The following PLCL2 variants were observed in gnomAD, a reference collection of about 807,000 sequenced individuals.
The protein encoded by PLCL2 is phospholipase C like 2, also known as inactive phospholipase C-like protein 2.
In PLCL2, 4 loss-of-function variants were observed where a neutral mutation model predicts 79.6. The ratio of observed to expected loss-of-function variants is 0.05; its 90% CI spans 0.02 to 0.11. The LOEUF is 0.11. Ranked by LOEUF, PLCL2 falls within the 10% of genes least tolerant of loss-of-function variation. The pLI, the probability that PLCL2 is intolerant of heterozygous loss-of-function variation, is 1.00. For missense variants in PLCL2, 895 were observed against 1,291.0 expected (o/e 0.69, Z 4.70); for synonymous variants, 484 against 457.7 (o/e 1.06, Z -0.73).
Position 16,885,346 on chromosome 3 carries a change from C to A in PLCL2, c.307C>A (p.Arg103Ser). 1 of 651,664 alleles carries A rather than the reference C, an allele frequency of 1.5e-6. No homozygotes were observed. The highest frequency in any genetic ancestry group is 2.8e-6 in the Non-Finnish European group (1 of 361,138). The allele number at this position is 651,664 out of a possible 1,614,324, so 40.4% of individuals were successfully genotyped here. ...GGAGAGCAAGCCGGGCGGCCTGCCC[C>A]GCCGGAGCAGCATCATCAAGGTAGG... ...PRESKPGGLP[R>S]RSSIIKDGTK... The change falls in exon 1 of 6, where the codon CGC (arginine) becomes AGC (serine). Residue 103 changes from arginine (R) to serine (S), a missense_variant. Arg to Ser is a moderately radical substitution (Grantham distance 110). Around this residue, in one of 6 missense-constraint regions of PLCL2, gnomAD observed 110 missense variants for 42.9 expected, o/e 2.56. Transcript: ENST00000615277.
intron 1 of PLCL2, among the ~76,000 whole-genome samples, chr3:16,899,691 A>G (rs938273785): frequency 2.0e-5 from 3 of 152,160 alleles, no homozygotes; most frequent in Non-Finnish European, 4.4e-5. Context: ...CATGGTAAGT[A>G]AAACCTGTAT....
intron 4 of PLCL2, among the ~76,000 whole-genome samples, chr3:17,060,849 A>G (rs547139096): frequency 6.6e-6 from 1 of 152,184 alleles, no homozygotes; most frequent in Non-Finnish European, 1.5e-5. Flanking sequence ...GAAATAAATT[A>G]AAAATATAAA....
chr3:17,015,030 C>A, intron 3 of PLCL2, 119 bp downstream of exon 3: 1 of 749,126 alleles, frequency 1.3e-6, no homozygotes, highest in Non-Finnish European at 2.3e-6. Flanking sequence ...CTTCATTCAC[C>A]TATGCTGGAG....
chr3:16,915,397 A>G (rs1696970075), intron 1 of PLCL2, among the ~76,000 whole-genome samples: 1 of 152,220 alleles, frequency 6.6e-6, no homozygotes, highest in Admixed American at 6.5e-5. Context: ...TAGCCAAACC[A>G]TGAAATAGAA....
chr3:16,943,989 A>C (rs1320965280), intron 1 of PLCL2, among the ~76,000 whole-genome samples: 1 of 152,120 alleles, frequency 6.6e-6, no homozygotes, highest in Non-Finnish European at 1.5e-5. Flanking sequence ...CATGCCTTCA[A>C]CTCATAGCTT....
At chr3:17,065,974 G>A (rs925031405) in intron 4 of PLCL2, among the ~76,000 whole-genome samples, 2 of 152,114 alleles carry the variant, frequency 1.3e-5, no homozygotes, top group South Asian at 4.1e-4. Context: ...AATTATTCCT[G>A]TTTGGAAATC....
intron 3 of PLCL2, among the ~76,000 whole-genome samples, chr3:17,039,456 A>G (rs2064695989): frequency 6.6e-6 from 1 of 152,254 alleles, no homozygotes; most frequent in African/African-American, 2.4e-5. Flanking sequence ...AATTTATGCA[A>G]TAGTGCAAAA....
chr3:16,981,018 C>T (rs555861453), intron 1 of PLCL2, among the ~76,000 whole-genome samples: 8 of 152,342 alleles, frequency 5.3e-5, no homozygotes, highest in East Asian at 3.9e-4. Context: ...CGCCTGCAAT[C>T]GCAGGCACTC....
intron 4 of PLCL2, among the ~76,000 whole-genome samples, chr3:17,053,253 A>G (rs1174038885): frequency 6.6e-6 from 1 of 151,874 alleles, no homozygotes; most frequent in African/African-American, 2.4e-5. Context: ...GAAACTTACA[A>G]TCATGGCAGA....
chr3:16,962,048 C>T (rs1386591900), intron 1 of PLCL2, among the ~76,000 whole-genome samples: 1 of 152,110 alleles, frequency 6.6e-6, no homozygotes, highest in Non-Finnish European at 1.5e-5. Context: ...GATCCAATAT[C>T]CACAGGGATT....
intron 5 of PLCL2, among the ~76,000 whole-genome samples, chr3:17,083,586 A>G (rs984330191): frequency 2.6e-5 from 4 of 152,242 alleles, no homozygotes; most frequent in African/African-American, 9.6e-5. Flanking sequence ...CACGTTGAAC[A>G]TGGAGAAAGA....
At chr3:17,020,565 A>G (rs971939911) in intron 3 of PLCL2, among the ~76,000 whole-genome samples, 4 of 151,828 alleles carry the variant, frequency 2.6e-5, no homozygotes, top group Admixed American at 1.3e-4. Context: ...TTTTTTTGCA[A>G]CTTCACAAAA....
chr3:16,894,473 A>G (rs1696423833), intron 1 of PLCL2, among the ~76,000 whole-genome samples: 1 of 152,226 alleles, frequency 6.6e-6, no homozygotes, highest in Admixed American at 6.5e-5. Context: ...ACTATATCAT[A>G]GGACAGACAT....
At chr3:16,944,272 T>A (rs2063580900) in intron 1 of PLCL2, among the ~76,000 whole-genome samples, 1 of 152,192 alleles carries the variant, frequency 6.6e-6, no homozygotes, top group Admixed American at 6.5e-5. Flanking sequence ...TAGTCAATCT[T>A]TTTATTATTA....
rs1256666793 is a variant in PLCL2, at chr3:17,045,825, G to A, written c.3094+2876G>A. ...CCTCAGAAAGGGAGAAAGGCTCCTC[G>A]TCTGAGATAATACAGAAAGCCGTGA... On this transcript the variant is annotated intron_variant, in intron 4 of 5. Transcript: ENST00000615277. Among the ~76,000 whole-genome samples the A allele has an allele frequency of 3.9e-5, 6 of 152,174 alleles. No homozygotes were observed. In the East Asian group the frequency reaches 5.8e-4, roughly 15 times the overall value.
intron 1 of PLCL2, among the ~76,000 whole-genome samples, chr3:16,911,865 T>C (rs1374735153): frequency 6.6e-6 from 1 of 152,208 alleles, no homozygotes; most frequent in Non-Finnish European, 1.5e-5. Context: ...GAAAATTCCA[T>C]ACCCTAACAG....
chr3:16,970,056 A>ATTTTTT (rs386355771), intron 1 of PLCL2, among the ~76,000 whole-genome samples: 46 of 144,722 alleles, frequency 3.2e-4, no homozygotes, highest in African/African-American at 1.0e-3. Context: ...ATATATATAT[A>ATTTTTT]TATTTTATTT....
intron 1 of PLCL2, among the ~76,000 whole-genome samples, chr3:16,938,234 A>C (rs1373547674): frequency 6.6e-6 from 1 of 152,242 alleles, no homozygotes; most frequent in Non-Finnish European, 1.5e-5. Flanking sequence ...TAATTAAATT[A>C]AGATGAACTA....
chr3:17,055,018 A>G (rs1418205329), intron 4 of PLCL2, among the ~76,000 whole-genome samples: 1 of 152,198 alleles, frequency 6.6e-6, no homozygotes, highest in African/African-American at 2.4e-5. Flanking sequence ...AAGATCAGTT[A>G]CATAAACAGC....
Sources: gnomAD v4.1 joint callset for allele counts (sites outside exome capture counted in the v4.1 genomes callset) on GRCh38, gnomAD v4.1.1 for gene constraint, gnomAD v4.1.1 regional missense constraint, MANE v1.5 for transcripts, NCBI Gene and HGNC (gene_info 2026-07-23, HGNC 2026-07-21) for gene names.